Variants in CSMD1 observed in about 807,000 individuals in gnomAD.
The protein encoded by CSMD1 is CUB and Sushi multiple domains 1, also known as CUB and sushi domain-containing protein 1.
Under a neutral mutation model 417.5 loss-of-function variants are expected in CSMD1, and 213 were observed. That is an observed-to-expected ratio of 0.51 (90% CI 0.46 to 0.57). The LOEUF (loss-of-function observed/expected upper bound fraction) is 0.57. Ranked by LOEUF, CSMD1 falls within the 20% of genes least tolerant of loss-of-function variation. The pLI is 0.00. For synonymous variants in CSMD1, 2,862 were observed against 1,736.8 expected, an observed-to-expected ratio of 1.65 and a Z score of -16.11; for missense variants, 6,923 against 4,529.7, an observed-to-expected ratio of 1.53 and a Z score of -15.17.
At chr8:4,525,213 G>C (rs1320022197) in intron 2 of CSMD1, among the ~76,000 whole-genome samples, 1 of 152,080 alleles carries the variant, frequency 6.6e-6, no homozygotes, top group Non-Finnish European at 1.5e-5. Flanking sequence ...CAACAAAAAA[G>C]GAAGAAGTGG....
At chr8:4,982,663 T>C (rs530456010) in intron 1 of CSMD1, among the ~76,000 whole-genome samples, 3 of 152,332 alleles carry the variant, frequency 2.0e-5, no homozygotes, top group Admixed American at 2.0e-4. Context: ...TTTACAGTAT[T>C]TTTATATGGA....
intron 3 of CSMD1, among the ~76,000 whole-genome samples, chr8:4,041,169 A>T (rs1330361872): frequency 6.6e-6 from 1 of 151,534 alleles, no homozygotes; most frequent in Non-Finnish European, 1.5e-5. Flanking sequence ...GGCGCCCGCC[A>T]CCACGCCCGG....
chr8:3,080,685 T>C (rs1027173258), intron 49 of CSMD1, among the ~76,000 whole-genome samples: 1 of 152,154 alleles, frequency 6.6e-6, no homozygotes, highest in Non-Finnish European at 1.5e-5. Context: ...CTTCAAGACC[T>C]AACAATCATA....
At chr8:4,449,770 G>A (rs1184512920) in intron 2 of CSMD1, among the ~76,000 whole-genome samples, 18 of 152,030 alleles carry the variant, frequency 1.2e-4, no homozygotes, top group Non-Finnish European at 2.5e-4. Context: ...AAGCAGTTGG[G>A]AGCAGCTATG....
At chr8:3,361,764 T>C (rs566051807) in intron 20 of CSMD1, among the ~76,000 whole-genome samples, 3 of 152,146 alleles carry the variant, frequency 2.0e-5, no homozygotes, top group South Asian at 4.1e-4. Flanking sequence ...CATGATCTTA[T>C]GGTTCTTTGC....
At chr8:3,357,844 C>G (rs941905944) in intron 21 of CSMD1, among the ~76,000 whole-genome samples, 1 of 152,122 alleles carries the variant, frequency 6.6e-6, no homozygotes, top group South Asian at 2.1e-4. Context: ...CAGTAAGAAC[C>G]ATTATTTTAG....
At position 3,650,887 on chromosome 8, in the gene CSMD1, G is replaced by C. The variant is rs1199404084; in HGVS notation, c.1010-34090C>G. The stretch of plus-strand genomic sequence containing the variant: ...CTATGACTATGTAACATCTCTTCTG[G>C]AATATCGAACGTCTTCTCAGACTTC... On this transcript the variant is annotated intron_variant, in intron 7 of 69. Coordinates refer to ENST00000635120, the MANE Select transcript of CSMD1 (RefSeq NM_033225.6). 2.0e-5 allele frequency among the ~76,000 whole-genome samples: 3 copies of C among 151,988 alleles called. No homozygotes were observed. The South Asian group carries it at 6.2e-4, about 32-fold the overall frequency.
At chr8:4,914,329 C>A (rs1298779097) in intron 1 of CSMD1, among the ~76,000 whole-genome samples, 1 of 152,136 alleles carries the variant, frequency 6.6e-6, no homozygotes, top group East Asian at 1.9e-4. Flanking sequence ...GTAATCCCAA[C>A]ACTTTGGGAG....
rs374897290 is a variant in CSMD1 at position 4,625,689 on chromosome 8, T to C, written c.302+11653A>G. Among the ~76,000 whole-genome samples the C allele has an allele frequency of 7.6e-4, 115 of 152,204 alleles. No homozygotes were observed. In the South Asian group the frequency reaches 0.023, roughly 30 times the overall value. On this transcript the variant is annotated intron_variant, in intron 2 of 69. Transcript: ENST00000635120. ...CCTAAACCTAAGCAAGCAAATATAA[T>C]GATTATCGTATCCGTAACATATTCA...
intron 3 of CSMD1, among the ~76,000 whole-genome samples, chr8:4,402,829 T>C (rs1171853482): frequency 8.9e-5 from 10 of 112,372 alleles, no homozygotes; most frequent in Admixed American, 1.0e-4. Context: ...TTCTTTTTTT[T>C]TTTTTTTTGG....
rs564158476 is a variant in CSMD1 at position 4,427,557 on chromosome 8, A to C, written c.303-7492T>G. Among the ~76,000 whole-genome samples the C allele has an allele frequency of 3.3e-5, 5 of 152,220 alleles. No homozygotes were observed. In the East Asian group the frequency reaches 9.7e-4, roughly 29 times the overall value. ...CAGTGAATCATGTGAGTATATATAC[A>C]TCTTACCAGATTAAAATGTCCGCCA... On this transcript the variant is annotated intron_variant, in intron 2 of 69. Transcript: ENST00000635120.
At chr8:3,931,030 G>C (rs1810101400) in intron 5 of CSMD1, among the ~76,000 whole-genome samples, 1 of 150,310 alleles carries the variant, frequency 6.7e-6, no homozygotes, top group South Asian at 2.2e-4. Context: ...ATTTCCACAG[G>C]GAAAATCTTA....
rs34791623 is a variant in CSMD1, at chr8:4,510,390, T to TAAAAAAAAAAAAAAAAAAAAAAAAA, written c.303-90350_303-90326dup. The stretch of plus-strand genomic sequence containing the variant: ...GTAGACAATTAAAAAGCATAATGCC[T>TAAAAAAAAAAAAAAAAAAAAAAAAA]AAAAAAAAAAAAAAAAAAAAAAAAA... On this transcript the variant is annotated intron_variant, in intron 2 of 69. Coordinates refer to ENST00000635120, the MANE Select transcript of CSMD1 (RefSeq NM_033225.6). 7.1e-4 allele frequency among the ~76,000 whole-genome samples: 39 copies of TAAAAAAAAAAAAAAAAAAAAAAAAA among 54,618 alleles called. 6 individuals carry two copies. The highest frequency in any genetic ancestry group is 1.0e-3 in the Non-Finnish European group (31 of 30,654). The allele number at this position is 54,618 out of a possible 152,430, so 35.8% of individuals were successfully genotyped here.
chr8:3,033,689 C>T (rs186307854), intron 50 of CSMD1, among the ~76,000 whole-genome samples: 1 of 150,330 alleles, frequency 6.7e-6, no homozygotes, highest in African/African-American at 2.4e-5. Flanking sequence ...ACGGGTGCAG[C>T]AAACCACCAT....
At chr8:4,939,876 G>A (rs1416324901) in intron 1 of CSMD1, among the ~76,000 whole-genome samples, 1 of 151,554 alleles carries the variant, frequency 6.6e-6, no homozygotes, top group African/African-American at 2.4e-5. Context: ...ATTCCACAAT[G>A]TATACCTATT....
chr8:4,407,704 A>T (rs528980229), intron 3 of CSMD1, among the ~76,000 whole-genome samples: 1 of 152,232 alleles, frequency 6.6e-6, no homozygotes, highest in African/African-American at 2.4e-5. Context: ...CACGATATTC[A>T]TAAATAGCTG....
intron 33 of CSMD1, among the ~76,000 whole-genome samples, chr8:3,197,407 G>A (rs575477874): frequency 1.1e-4 from 16 of 149,886 alleles, no homozygotes; most frequent in Admixed American, 1.0e-3. Context: ...GAATGAAGCT[G>A]TAATGGTGTA....
intron 21 of CSMD1, among the ~76,000 whole-genome samples, chr8:3,355,073 C>G (rs1096505): frequency 6.6e-6 from 1 of 151,620 alleles, no homozygotes; most frequent in Non-Finnish European, 1.5e-5. Flanking sequence ...CATTCAAAAA[C>G]TGAGGATAAG....
chr8:4,186,144 G>A (rs536557182), intron 3 of CSMD1, among the ~76,000 whole-genome samples: 5 of 152,286 alleles, frequency 3.3e-5, no homozygotes, highest in African/African-American at 1.2e-4. Flanking sequence ...GCATCCAGAG[G>A]CCACTGGAGC....
Sources: gnomAD v4.1 joint callset for allele counts (sites outside exome capture counted in the v4.1 genomes callset) on GRCh38, gnomAD v4.1.1 for gene constraint, MANE v1.5 for transcripts, NCBI Gene and HGNC (gene_info 2026-07-23, HGNC 2026-07-21) for gene names.